Variants in SCN7A observed in about 807,000 individuals in gnomAD.
The protein encoded by SCN7A is sodium voltage-gated channel alpha subunit 7.
A neutral mutation model predicts 155.2 loss-of-function variants in SCN7A; 138 were observed. The observed-to-expected ratio is 0.89, with a 90% CI of 0.77 to 1.02. SCN7A has a LOEUF of 1.02. SCN7A is among the 50% of genes least tolerant of loss of function. The probability of loss-of-function intolerance (pLI) is 0.00; values close to 1 mark genes in which losing one functional copy is unlikely to be tolerated. For synonymous variants in SCN7A, 693 were observed against 649.0 expected, an observed-to-expected ratio of 1.07 and a Z score of -1.03; for missense variants, 2,058 against 1,986.6, an observed-to-expected ratio of 1.04 and a Z score of -0.68.
intron 2 of SCN7A, among the ~76,000 whole-genome samples, chr2:166,478,461 A>G (rs990884457): frequency 2.6e-5 from 4 of 151,800 alleles, no homozygotes; most frequent in Non-Finnish European, 5.9e-5. Context: ...ATATTTATCA[A>G]GTACATGTGA....
At chr2:166,444,103 A>G (rs1489502059) in intron 13 of SCN7A, among the ~76,000 whole-genome samples, 1 of 152,190 alleles carries the variant, frequency 6.6e-6, no homozygotes, top group Admixed American at 6.5e-5. Flanking sequence ...TTGGTACCAA[A>G]TAAATGTATA....
Position 166,410,041 on chromosome 2 carries a change from G to A in SCN7A, c.3712-106C>T, listed in dbSNP as rs1272425687. 8.8e-6 allele frequency: 11 copies of A among 1,255,482 alleles called. No individual in the cohort carries two copies. The East Asian group carries it at 2.6e-4, about 29-fold the overall frequency. The allele number at this position is 1,255,482 out of a possible 1,614,324, so 77.8% of individuals were successfully genotyped here. On this transcript the variant is annotated intron_variant, in intron 24 of 25. Coordinates refer to ENST00000643258, the MANE Select transcript of SCN7A (RefSeq NM_002976.4). ...TTCTTCCCAAAATAAATGAGAATAA[G>A]TGTGAACCTAAATTTTTGCCAAACT...
At chr2:166,411,070 G>A (rs1701192838) in intron 23 of SCN7A, among the ~76,000 whole-genome samples, 1 of 151,942 alleles carries the variant, frequency 6.6e-6, no homozygotes, top group Non-Finnish European at 1.5e-5. Flanking sequence ...AATCACATTT[G>A]AGCACTCAGC....
intron 11 of SCN7A, 51 bp downstream of exon 11, chr2:166,456,816 ATAT>A: frequency 1.9e-6 from 1 of 518,780 alleles, no homozygotes; most frequent in Non-Finnish European, 3.0e-6. Flanking sequence ...ATATATATAT[ATAT>A]ATATATATAT....
At chr2:166,425,354 A>G (rs564142849) in intron 18 of SCN7A, among the ~76,000 whole-genome samples, 91 of 152,260 alleles carry the variant, frequency 6.0e-4, no homozygotes, top group African/African-American at 2.1e-3. Context: ...GTACCTATGC[A>G]AGACCTAGAA....
At chr2:166,409,978 T>C (rs1212174631) in intron 24 of SCN7A, 43 bp from the exon 25 acceptor site, 2 of 1,426,162 alleles carry the variant, frequency 1.4e-6, no homozygotes, top group Admixed American at 2.5e-5. Context: ...ATTAATAGGA[T>C]ACATATACAT....
intron 15 of SCN7A, among the ~76,000 whole-genome samples, chr2:166,434,664 T>C (rs1701801213): frequency 6.6e-6 from 1 of 152,176 alleles, no homozygotes; most frequent in Admixed American, 6.6e-5. Context: ...AGCAACTCTA[T>C]GATTCTCAAA....
chr2:166,466,513 C>A (rs74879939), intron 7 of SCN7A, among the ~76,000 whole-genome samples: 1,955 of 151,996 alleles, frequency 0.013, 50 homozygotes, highest in African/African-American at 0.045. Context: ...GAACTCAAAC[C>A]TAAAGCTGGC....
In SCN7A at chr2:166,406,448, T is replaced by C. The variant is rs370288084; in HGVS notation, c.4181A>G (p.Tyr1394Cys). 1.9e-5 allele frequency: 30 copies of C among 1,612,806 alleles called. No homozygotes were observed. The highest frequency in any genetic ancestry group is 3.3e-5 in the South Asian group (3 of 91,054). The change falls in exon 26 of 26, where the codon TAT becomes TGT. Residue 1394 changes from tyrosine (Y) to cysteine (C), a missense_variant. Physicochemically the swap from Tyr to Cys is radical, Grantham distance 194. Transcript: ENST00000643258. ...ILLIFLVMFI[Y>C]AVFGMYNFAY... ...AAAATTATACATTCCAAATACGGCA[T>C]AGATGAACATGACCAGGAAGATGAG...
intron 11 of SCN7A, among the ~76,000 whole-genome samples, chr2:166,449,043 T>A (rs1702124135): frequency 6.6e-6 from 1 of 152,202 alleles, no homozygotes; most frequent in African/African-American, 2.4e-5. Context: ...GTCTCTTGAA[T>A]AATGGTTTTA....
intron 14 of SCN7A, among the ~76,000 whole-genome samples, chr2:166,443,026 G>A (rs1026800058): frequency 5.9e-5 from 9 of 151,972 alleles, no homozygotes; most frequent in Admixed American, 4.6e-4. Flanking sequence ...TTCTCATAAC[G>A]TTATTCCCTT....
At chr2:166,452,079 C>A (rs182219690) in intron 11 of SCN7A, among the ~76,000 whole-genome samples, 7 of 152,152 alleles carry the variant, frequency 4.6e-5, no homozygotes, top group Admixed American at 1.3e-4. Context: ...TCAAAAACAT[C>A]ATTACAGTTG....
At chr2:166,464,288 T>A (rs556995578) in intron 9 of SCN7A, among the ~76,000 whole-genome samples, 1 of 151,730 alleles carries the variant, frequency 6.6e-6, no homozygotes. Context: ...ACCATATAAC[T>A]CATGCTCTCC....
chr2:166,420,666 T>C (rs1210843435), intron 20 of SCN7A, among the ~76,000 whole-genome samples: 1 of 152,050 alleles, frequency 6.6e-6, no homozygotes. Context: ...TAATTTTCTT[T>C]ACATTGTTCA....
Position 166,468,438 on chromosome 2 carries a change from T to C in SCN7A, c.664+2177A>G, listed in dbSNP as rs186629782. ...TAAATTGGATTTCAAAATAAAATCA[T>C]TAAATTTTTATAATATTGACAACTA... On this transcript the variant is annotated intron_variant, in intron 7 of 25. Transcript: ENST00000643258. Among the ~76,000 whole-genome samples the C allele has an allele frequency of 2.9e-3, 440 of 152,180 alleles. 6 individuals are homozygous for C. Among genetic ancestry groups the C allele is most frequent in the African/African-American group, 9.8e-3 (406 of 41,562 alleles).
At chr2:166,486,037 C>T (rs1012250930) in intron 2 of SCN7A, among the ~76,000 whole-genome samples, 8 of 152,076 alleles carry the variant, frequency 5.3e-5, no homozygotes, top group African/African-American at 1.7e-4. Flanking sequence ...TATAACTTGC[C>T]CTTCATCCTG....
chr2:166,493,646 C>T (rs1200496616), intron 1 of SCN7A, among the ~76,000 whole-genome samples: 1 of 152,116 alleles, frequency 6.6e-6, no homozygotes, highest in Non-Finnish European at 1.5e-5. Context: ...ATCATTGTAC[C>T]ATGTAATGTA....
intron 2 of SCN7A, 35 bp from the exon 3 acceptor site, chr2:166,477,745 AATAAAAC>A (rs1287933608): frequency 2.3e-6 from 3 of 1,316,170 alleles, no homozygotes; most frequent in Non-Finnish European, 3.1e-6. Flanking sequence ...TGGGTATACT[AATAAAAC>A]ATAAAAGTAC....
chr2:166,433,143 G>A (rs895660465), intron 15 of SCN7A, among the ~76,000 whole-genome samples: 2 of 152,026 alleles, frequency 1.3e-5, no homozygotes, highest in African/African-American at 4.8e-5. Flanking sequence ...CAAGGTCATC[G>A]CCAAGGTCGA....
Sources: allele counts gnomAD v4.1 joint callset (sites outside exome capture counted in the v4.1 genomes callset), GRCh38; gene constraint gnomAD v4.1.1; transcripts MANE v1.5; gene names NCBI Gene and HGNC (gene_info 2026-07-23, HGNC 2026-07-21).